PCDHGB6: variants seen among roughly 807,000 people sequenced by gnomAD.
PCDHGB6 encodes protocadherin gamma subfamily B, 6, also known as protocadherin gamma-B6.
In PCDHGB6, 51 loss-of-function variants were observed where a neutral mutation model predicts 59.1. The ratio of observed to expected loss-of-function variants is 0.86; its 90% CI spans 0.69 to 1.09. The LOEUF (loss-of-function observed/expected upper bound fraction) is 1.09, where lower values mean the gene tolerates loss of function less well. Among genes scored for constraint, PCDHGB6 ranks in the 50% least tolerant of loss-of-function variants. The probability of loss-of-function intolerance (pLI) is 0.00; values close to 1 mark genes in which losing one functional copy is unlikely to be tolerated. For missense variants in PCDHGB6, 1,148 were observed against 1,205.1 expected, an observed-to-expected ratio of 0.95 and a Z score of 0.70; for synonymous variants, 466 against 495.1, an observed-to-expected ratio of 0.94 and a Z score of 0.78.
Position 141,489,772 on chromosome 5 carries a change from T to C in PCDHGB6, c.2419-5035T>C, listed in dbSNP as rs1327700197. 6.2e-7 allele frequency: 1 copy of C among 1,614,154 alleles called. No individual in the cohort carries two copies. The highest frequency in any genetic ancestry group is 8.5e-7 in the Non-Finnish European group (1 of 1,179,994). ...TTACACTCTAAGCCCCAACAGCCAC[T>C]TCTCTCTGAATGTGAAGACCCTAAA... On this transcript the variant is annotated intron_variant, in intron 1 of 3. Coordinates refer to ENST00000520790, the MANE Select transcript of PCDHGB6 (RefSeq NM_018926.3). This position sits in a 1 kb window ranked among gnomAD's most constrained non-coding sequence, Gnocchi z 4.5.
At chr5:141,495,571 C>T (rs1031548699) in intron 2 of PCDHGB6, among the ~76,000 whole-genome samples, 1 of 152,198 alleles carries the variant, frequency 6.6e-6, no homozygotes, top group African/African-American at 2.4e-5. Flanking sequence ...TCTGCCTCTC[C>T]CTCTCTTCTC....
At chr5:141,412,434 A>C (rs2095556498) in intron 1 of PCDHGB6, 1 of 152,240 alleles carries the variant, frequency 6.6e-6, no homozygotes, top group Admixed American at 6.5e-5. Flanking sequence ...CAAAAAGGTT[A>C]ATTAAGGCTC....
Position 141,475,863 on chromosome 5 carries a change from C to G in PCDHGB6, c.2419-18944C>G, listed in dbSNP as rs1037784260. On this transcript the variant is annotated intron_variant, in intron 1 of 3. Transcript: ENST00000520790. ...TCAGAGAGCCCGGCGCTAGCTCATT[C>G]TTCGTGCAGTTATTGGCTGGGACTC... is the stretch of plus-strand genomic sequence containing the variant. 1.4e-5 allele frequency: 7 copies of G among 499,790 alleles called. 1 individual carries two copies. The highest frequency in any genetic ancestry group is 1.4e-4 in the African/African-American group (7 of 51,600). The allele number at this position is 499,790 out of a possible 1,614,324, so 31.0% of individuals were successfully genotyped here. A position where few individuals can be genotyped will look rare whatever the true frequency, so the allele number is the denominator to read the frequency against.
chr5:141,475,128 C>T (rs775275292), intron 1 of PCDHGB6, among the ~76,000 whole-genome samples: 3 of 151,894 alleles, frequency 2.0e-5, no homozygotes, highest in Non-Finnish European at 4.4e-5. Context: ...GGCTTTTTTT[C>T]TTTTTGAAAT....
In PCDHGB6 at chr5:141,431,544, T is replaced by C. The variant is rs1409551731; in HGVS notation, c.2418+20924T>C. 1.2e-6 allele frequency: 2 copies of C among 1,614,152 alleles called. No individual in the cohort carries two copies. The highest frequency in any genetic ancestry group is 2.2e-5 in the South Asian group (2 of 91,092). ...AATCTGGCCTTGGGCACGCAGCTGC[T>C]TGTAGTCAACGCTACCGACCCTGAC... On this transcript the variant is annotated intron_variant, in intron 1 of 3. Coordinates refer to ENST00000520790, the MANE Select transcript of PCDHGB6 (RefSeq NM_018926.3). The surrounding 1 kb of genome is among the most constrained non-coding windows in gnomAD (Gnocchi z 4.8).
rs139153105 is a variant in PCDHGB6 at position 141,432,400 on chromosome 5, G to T, written c.2418+21780G>T. 3.1e-6 allele frequency: 5 copies of T among 1,614,122 alleles called. No homozygotes were observed. In the African/African-American group the frequency reaches 4.0e-5, roughly 13 times the overall value. ...ACCCGCCCCTCAGCAGCAACGTGTC[G>T]TTGAGCCTGTTCGTGCTGGACCAGA... On this transcript the variant is annotated intron_variant, in intron 1 of 3. Transcript: ENST00000520790. The surrounding 1 kb of genome is among the most constrained non-coding windows in gnomAD (Gnocchi z 6.0).
At position 141,410,012 on chromosome 5, in the gene PCDHGB6, C is replaced by T. The variant is rs1256228205; in HGVS notation, c.1810C>T (p.Leu604=). 24 of 1,613,212 alleles carry T rather than the reference C, an allele frequency of 1.5e-5. No homozygotes were observed. The highest frequency in any genetic ancestry group is 2.0e-5 in the Non-Finnish European group (24 of 1,179,826). Residue 604 remains leucine (L), a synonymous_variant, in exon 1 of 4, where the codon CTG becomes TTG. Coordinates refer to ENST00000520790, the MANE Select transcript of PCDHGB6 (RefSeq NM_018926.3). ...CGCCGACTCGGGACACAACGCCTGG[C>T]TGTCCTACCACGTGCTGCAGGCCAG... ...VDADSGHNAW[L]SYHVLQASEP...
chr5:141,511,353 A>C lies in PCDHGB6; in HGVS notation c.*180A>C. ...AGTCAGCACCTACCCCTTCCCCCCC[A>C]GGGGGTTGAATATGCAAAAGCAGTT... On this transcript the variant is annotated 3_prime_UTR_variant, in exon 4 of 4. Transcript: ENST00000520790. 7.3e-7 allele frequency: 1 copy of C among 1,371,054 alleles called. No individual in the cohort carries two copies. Among genetic ancestry groups the C allele is most frequent in the Non-Finnish European group, 9.7e-7 (1 of 1,027,740 alleles). The allele number at this position is 1,371,054 out of a possible 1,614,324, so 84.9% of individuals were successfully genotyped here. A position where few individuals can be genotyped will look rare whatever the true frequency, so the allele number is the denominator to read the frequency against.
In PCDHGB6 at chr5:141,489,200, G is replaced by A. The variant is rs1483035320; in HGVS notation, c.2419-5607G>A. The A allele has an allele frequency of 2.8e-6, 4 of 1,412,792 alleles. No individual in the cohort carries two copies. The highest frequency in any genetic ancestry group is 3.9e-6 in the Non-Finnish European group (4 of 1,038,374). The allele number at this position is 1,412,792 out of a possible 1,614,324, so 87.5% of individuals were successfully genotyped here. A position where few individuals can be genotyped will look rare whatever the true frequency, so the allele number is the denominator to read the frequency against. On this transcript the variant is annotated intron_variant, in intron 1 of 3. Coordinates refer to ENST00000520790, the MANE Select transcript of PCDHGB6 (RefSeq NM_018926.3). This position sits in a 1 kb window ranked among gnomAD's most constrained non-coding sequence, Gnocchi z 4.5. ...AAGCCCTGGGTCTACCTTGGAGACAGGACAGCACAGACTTACTCTCCACAA... is the reference window on the plus strand; with the variant it reads ...AAGCCCTGGGTCTACCTTGGAGACAAGACAGCACAGACTTACTCTCCACAA...
chr5:141,487,455 A>G lies in PCDHGB6; in HGVS notation c.2419-7352A>G, dbSNP rs751456631. 6.2e-7 allele frequency: 1 copy of G among 1,614,122 alleles called. No individual in the cohort carries two copies. The highest frequency in any genetic ancestry group is 8.5e-7 in the Non-Finnish European group (1 of 1,180,032). On this transcript the variant is annotated intron_variant, in intron 1 of 3. Coordinates refer to ENST00000520790, the MANE Select transcript of PCDHGB6 (RefSeq NM_018926.3). The surrounding 1 kb of genome is among the most constrained non-coding windows in gnomAD (Gnocchi z 5.0). ...CAGCTAGGGTCAGATGACCCTATCA[A>G]GTTTGTTGATGTGGGAGGCCACTCT...
intron 1 of PCDHGB6, among the ~76,000 whole-genome samples, chr5:141,464,803 G>A (rs933573443): frequency 1.5e-4 from 23 of 152,092 alleles, no homozygotes; most frequent in African/African-American, 5.1e-4. Context: ...CAGTGATGCA[G>A]TCATAGCTCA....
At chr5:141,459,287 G>A (rs1362981410) in intron 1 of PCDHGB6, among the ~76,000 whole-genome samples, 1 of 152,136 alleles carries the variant, frequency 6.6e-6, no homozygotes, top group African/African-American at 2.4e-5. Context: ...TCATCTAAAT[G>A]GAATCCTATA....
intron 1 of PCDHGB6, among the ~76,000 whole-genome samples, chr5:141,464,370 T>C (rs1239284694): frequency 6.6e-6 from 1 of 151,828 alleles, no homozygotes. Context: ...CCAATATTTT[T>C]GCAATATAAA....
At chr5:141,438,741 A>T (rs1184994731) in intron 1 of PCDHGB6, among the ~76,000 whole-genome samples, 3 of 148,914 alleles carry the variant, frequency 2.0e-5, no homozygotes, top group South Asian at 2.1e-4. Context: ...AGCTCACTGC[A>T]ACCTCTGCCT....
At chr5:141,481,180 T>C (rs1354907506) in intron 1 of PCDHGB6, among the ~76,000 whole-genome samples, 1 of 152,236 alleles carries the variant, frequency 6.6e-6, no homozygotes, top group Admixed American at 6.5e-5. Flanking sequence ...CCAGCTTTAT[T>C]GGGCCAGGCC....
chr5:141,467,923 T>C lies in PCDHGB6; in HGVS notation c.2419-26884T>C, dbSNP rs190816380. Among the ~76,000 whole-genome samples the C allele has an allele frequency of 3.9e-3, 588 of 151,590 alleles. 5 individuals carry two copies. Among genetic ancestry groups the C allele is most frequent in the Admixed American group, 0.011 (168 of 15,214 alleles). ...ATCCGCCCACCTCAGCCTCCCAAAA[T>C]GCTAGGATTACAAGCATGAGCCACC... On this transcript the variant is annotated intron_variant, in intron 1 of 3. Coordinates refer to ENST00000520790, the MANE Select transcript of PCDHGB6 (RefSeq NM_018926.3).
chr5:141,489,558 G>A lies in PCDHGB6; in HGVS notation c.2419-5249G>A. On this transcript the variant is annotated intron_variant, in intron 1 of 3. Coordinates refer to ENST00000520790, the MANE Select transcript of PCDHGB6 (RefSeq NM_018926.3). The surrounding 1 kb of genome is among the most constrained non-coding windows in gnomAD (Gnocchi z 4.5). ...CCAGCACCAGCTGCCTGCTGCCAGT[G>A]CAGGTGGTGACTGAACACCCCCTGG... 1 of 1,614,130 alleles carries A rather than the reference G, an allele frequency of 6.2e-7. No individual in the cohort carries two copies. Among genetic ancestry groups the A allele is most frequent in the Non-Finnish European group, 8.5e-7 (1 of 1,180,024 alleles).
At chr5:141,423,123 A>C in intron 1 of PCDHGB6, 1 of 1,613,760 alleles carries the variant, frequency 6.2e-7, no homozygotes. Flanking sequence ...CAGCGCGGGC[A>C]CTGCTGGACA....
At chr5:141,456,821 A>G (rs1432134342) in intron 1 of PCDHGB6, among the ~76,000 whole-genome samples, 2 of 151,744 alleles carry the variant, frequency 1.3e-5, no homozygotes, top group Admixed American at 6.6e-5. Context: ...AAAATTAGCC[A>G]TCGTGGTAGT....
Sources: gnomAD v4.1 joint callset for allele counts (sites outside exome capture counted in the v4.1 genomes callset) on GRCh38, gnomAD v4.1.1 for gene constraint, Gnocchi (gnomAD v3.1) non-coding constraint, MANE v1.5 for transcripts, NCBI Gene and HGNC (gene_info 2026-07-23, HGNC 2026-07-21) for gene names.